Variants in CSGALNACT1 observed in about 807,000 individuals in gnomAD.
The protein encoded by CSGALNACT1 is beta4GalNAcT-1.
Under a neutral mutation model 51.0 loss-of-function variants are expected in CSGALNACT1, and 52 were observed. The observed-to-expected ratio is 1.02, with a 90% confidence interval of 0.82 to 1.29. The LOEUF (loss-of-function observed/expected upper bound fraction) is 1.29. CSGALNACT1 is among the 50% of genes most tolerant of loss of function. The pLI, the probability that CSGALNACT1 is intolerant of heterozygous loss-of-function variation, is 0.00. For synonymous variants in CSGALNACT1, 341 were observed against 254.4 expected, an observed-to-expected ratio of 1.34 and a Z score of -3.24; for missense variants, 935 against 679.2, an observed-to-expected ratio of 1.38 and a Z score of -4.19.
At chr8:19,614,179 C>T (rs76049926) in intron 1 of CSGALNACT1, among the ~76,000 whole-genome samples, 3,437 of 152,196 alleles carry the variant, frequency 0.023, 136 homozygotes, top group African/African-American at 0.078. Context: ...ATGCCAAGTA[C>T]TTTATATGCC....
intron 1 of CSGALNACT1, among the ~76,000 whole-genome samples, chr8:19,635,692 C>T (rs146384695): frequency 4.6e-5 from 7 of 152,222 alleles, no homozygotes; most frequent in African/African-American, 9.6e-5. Context: ...GCATCCAAAG[C>T]GGGCATTTAG....
intron 7 of CSGALNACT1, among the ~76,000 whole-genome samples, chr8:19,419,489 C>A (rs953552703): frequency 3.9e-5 from 6 of 152,150 alleles, no homozygotes; most frequent in African/African-American, 1.4e-4. Flanking sequence ...AAAAGAATTT[C>A]TGTATTTTAG....
intron 4 of CSGALNACT1, among the ~76,000 whole-genome samples, chr8:19,493,905 C>CAT (rs2074939672): frequency 7.0e-6 from 1 of 143,338 alleles, no homozygotes; most frequent in African/African-American, 2.6e-5. Context: ...CACACACACA[C>CAT]ATCTAGGAGT....
In CSGALNACT1 at chr8:19,555,863, C is replaced by A. The variant is rs372258176; in HGVS notation, c.-297+35297G>T. On this transcript the variant is annotated intron_variant, in intron 3 of 9. Coordinates refer to ENST00000454498, the Ensembl canonical transcript of CSGALNACT1. The stretch of plus-strand genomic sequence containing the variant: ...ACTGAAATGCAACTCCGTGGAAACA[C>A]CCCAACTCCACACATTCATCCCCTT... Among the ~76,000 whole-genome samples, 5 of 152,236 alleles carry A rather than the reference C, an allele frequency of 3.3e-5. No individual in the cohort carries two copies. In the East Asian group the frequency reaches 9.6e-4, roughly 29 times the overall value.
chr8:19,712,445 G>T (rs2062567755), intron 1 of CSGALNACT1, among the ~76,000 whole-genome samples: 1 of 152,186 alleles, frequency 6.6e-6, no homozygotes, highest in Non-Finnish European at 1.5e-5. Flanking sequence ...ACCAGGAAAA[G>T]AATATAATGG....
intron 6 of CSGALNACT1, among the ~76,000 whole-genome samples, chr8:19,432,427 C>G (rs2153729570): frequency 6.6e-6 from 1 of 152,188 alleles, no homozygotes; most frequent in Non-Finnish European, 1.5e-5. Context: ...TGAATTTATT[C>G]TATTTGGAGT....
intron 3 of CSGALNACT1, among the ~76,000 whole-genome samples, chr8:19,525,612 TC>T (rs1432620246): frequency 2.0e-5 from 1 of 48,828 alleles, no homozygotes; most frequent in Non-Finnish European, 3.4e-5. Flanking sequence ...GGGAAACTTG[TC>T]CCAAAAAAAA....
chr8:19,457,006 A>C (rs1022148610), intron 5 of CSGALNACT1, among the ~76,000 whole-genome samples: 10 of 152,206 alleles, frequency 6.6e-5, no homozygotes, highest in African/African-American at 2.2e-4. Context: ...CTTCAGGCAT[A>C]AACAATAAAG....
At chr8:19,715,271 G>A (rs1326692599) in intron 1 of CSGALNACT1, among the ~76,000 whole-genome samples, 1 of 152,154 alleles carries the variant, frequency 6.6e-6, no homozygotes, top group Admixed American at 6.5e-5. Flanking sequence ...CCCACAACAC[G>A]TGGGAATTAT....
chr8:19,436,608 T>A (rs138317666), intron 6 of CSGALNACT1, among the ~76,000 whole-genome samples: 1 of 152,344 alleles, frequency 6.6e-6, no homozygotes, highest in African/African-American at 2.4e-5. Context: ...TAAGCTCATA[T>A]ATAGATTACT....
At chr8:19,627,014 C>G (rs1054628058) in intron 1 of CSGALNACT1, among the ~76,000 whole-genome samples, 2 of 152,188 alleles carry the variant, frequency 1.3e-5, no homozygotes, top group Non-Finnish European at 2.9e-5. Context: ...AAAAGTTAAA[C>G]TTACAGCTAG....
upstream of CSGALNACT1, among the ~76,000 whole-genome samples, chr8:19,603,850 G>A (rs116524458): frequency 0.014 from 2,110 of 152,258 alleles, 41 homozygotes; most frequent in African/African-American, 0.047. Context: ...CAAATAGACT[G>A]TCAGCTGGTA....
intron 4 of CSGALNACT1, among the ~76,000 whole-genome samples, chr8:19,465,400 A>G (rs1447666009): frequency 1.3e-5 from 2 of 152,294 alleles, no homozygotes; most frequent in South Asian, 2.1e-4. Flanking sequence ...TGAGAAGATG[A>G]AAGTACTCTG....
intron 4 of CSGALNACT1, among the ~76,000 whole-genome samples, chr8:19,461,762 GGGCGTATCTGCACAGCAGCCACATTCA>G (rs2065512740): frequency 1.8e-5 from 2 of 110,430 alleles, no homozygotes; most frequent in African/African-American, 2.9e-5. Flanking sequence ...TCACCATGGA[GGGCGTATCTGCACAGCAGCCACATTCA>G]CCATGGAGGG....
intron 5 of CSGALNACT1, among the ~76,000 whole-genome samples, chr8:19,443,165 T>C (rs2061590477): frequency 6.6e-6 from 1 of 152,182 alleles, no homozygotes; most frequent in African/African-American, 2.4e-5. Flanking sequence ...TCCTGTCCTC[T>C]CAAGAGAAAG....
intron 3 of CSGALNACT1, among the ~76,000 whole-genome samples, chr8:19,535,438 C>G (rs551383171): frequency 1.2e-4 from 19 of 152,264 alleles, no homozygotes; most frequent in African/African-American, 3.8e-4. Context: ...AAGGATCTCT[C>G]TATAAGGGGT....
intron 1 of CSGALNACT1, among the ~76,000 whole-genome samples, chr8:19,668,744 G>A (rs932015069): frequency 1.3e-5 from 2 of 151,940 alleles, no homozygotes; most frequent in African/African-American, 4.8e-5. Flanking sequence ...TAGGAGATGG[G>A]GTCTCACCAT....
chr8:19,424,667 C>G (rs2058498836), intron 6 of CSGALNACT1, among the ~76,000 whole-genome samples: 1 of 152,152 alleles, frequency 6.6e-6, no homozygotes, highest in Non-Finnish European at 1.5e-5. Context: ...CTTATCAATG[C>G]CCCATATCCT....
At chr8:19,541,019 A>G (rs894496632) in intron 3 of CSGALNACT1, among the ~76,000 whole-genome samples, 5 of 152,026 alleles carry the variant, frequency 3.3e-5, no homozygotes, top group Admixed American at 2.6e-4. Context: ...ACTCTTTATC[A>G]CCTTCACTAT....
Sources: gnomAD v4.1 joint callset for allele counts (sites outside exome capture counted in the v4.1 genomes callset) on GRCh38, gnomAD v4.1.1 for gene constraint, MANE v1.5 for transcripts, NCBI Gene and HGNC (gene_info 2026-07-23, HGNC 2026-07-21) for gene names.